NEGR1: variants seen among roughly 807,000 people sequenced by gnomAD.
NEGR1 encodes neuronal growth regulator 1, also known as IgLON family member 4.
A neutral mutation model predicts 40.9 loss-of-function variants in NEGR1; 10 were observed. That is an observed-to-expected ratio of 0.24 (90% confidence interval 0.15 to 0.42). The LOEUF is 0.42. Among genes scored for constraint, NEGR1 ranks in the 10% least tolerant of loss-of-function variants. The probability of loss-of-function intolerance (pLI) is 1.00; values close to 1 mark genes in which losing one functional copy is unlikely to be tolerated. For missense variants in NEGR1, 352 were observed against 438.9 expected (o/e 0.80, Z 1.77); for synonymous variants, 185 against 166.8 (o/e 1.11, Z -0.84).
chr1:71,710,858 GTA>G (rs991329766), intron 3 of NEGR1, among the ~76,000 whole-genome samples: 1 of 151,976 alleles, frequency 6.6e-6, no homozygotes, highest in Non-Finnish European at 1.5e-5. Flanking sequence ...TAACTTAATT[GTA>G]TATTTTAAAT....
At chr1:71,747,989 T>C (rs1051563342) in intron 3 of NEGR1, among the ~76,000 whole-genome samples, 5 of 152,190 alleles carry the variant, frequency 3.3e-5, no homozygotes, top group African/African-American at 9.6e-5. Flanking sequence ...TACCAATATA[T>C]TTTTTACATT....
At chr1:72,278,988 C>A (rs1656157710) in intron 1 of NEGR1, among the ~76,000 whole-genome samples, 3 of 151,748 alleles carry the variant, frequency 2.0e-5, no homozygotes, top group Non-Finnish European at 2.9e-5. Context: ...TCAAGAAGGT[C>A]CAAATAATTC....
chr1:72,120,767 A>G (rs1426503343), intron 1 of NEGR1, among the ~76,000 whole-genome samples: 2 of 151,926 alleles, frequency 1.3e-5, no homozygotes, highest in East Asian at 1.9e-4. Context: ...TTTAACAAAC[A>G]CTATTTTTAA....
At chr1:71,983,881 T>C (rs1009146717) in intron 1 of NEGR1, among the ~76,000 whole-genome samples, 1 of 152,178 alleles carries the variant, frequency 6.6e-6, no homozygotes, top group Admixed American at 6.5e-5. Flanking sequence ...CTCAACATAT[T>C]TTTTACTAAA....
In NEGR1 at chr1:71,698,135, T is replaced by C. The variant is rs1451604332; in HGVS notation, c.540A>G (p.Lys180=). The change falls in exon 4 of 7, where the codon AAA becomes AAG. Residue 180 remains lysine (K), a synonymous_variant. Transcript: ENST00000357731. ...CCAAATATTGTCCATTTTCAAATGG[T>C]TTTGCTATAAAAAAGAATACAGCAT... ...ISWRHISPSA[K]PFENGQYLDI... 1.2e-6 allele frequency: 2 copies of C among 1,609,512 alleles called. No homozygotes were observed. Among genetic ancestry groups the C allele is most frequent in the Non-Finnish European group, 1.7e-6 (2 of 1,177,364 alleles).
intron 1 of NEGR1, among the ~76,000 whole-genome samples, chr1:72,048,474 T>A (rs1337447846): frequency 1.4e-5 from 2 of 147,060 alleles, no homozygotes; most frequent in South Asian, 2.2e-4. Flanking sequence ...CCCCTTTAAA[T>A]GTGTAAGCGC....
chr1:71,976,823 AAC>A (rs1419553971), intron 1 of NEGR1, among the ~76,000 whole-genome samples: 1 of 152,184 alleles, frequency 6.6e-6, no homozygotes, highest in Non-Finnish European at 1.5e-5. Context: ...ACAAGAAAAA[AAC>A]AGTGTATTTT....
chr1:71,947,791 T>C (rs1646034978), intron 1 of NEGR1, among the ~76,000 whole-genome samples: 1 of 151,702 alleles, frequency 6.6e-6, no homozygotes. Flanking sequence ...AAAAAAAATA[T>C]GGAAATTAAT....
chr1:72,255,413 T>C (rs1655233679), intron 1 of NEGR1, among the ~76,000 whole-genome samples: 1 of 152,230 alleles, frequency 6.6e-6, no homozygotes, highest in Non-Finnish European at 1.5e-5. Context: ...ATTTACTGAA[T>C]GAATGTATAT....
chr1:71,922,710 T>G lies in NEGR1; in HGVS notation c.409+12369A>C, dbSNP rs74340101. 4.6e-5 allele frequency among the ~76,000 whole-genome samples: 7 copies of G among 152,242 alleles called. No individual in the cohort carries two copies. The East Asian group carries it at 1.4e-3, about 29-fold the overall frequency. ...GACCTATATGTACACTATTAGCACT[T>G]TGGAAAAAGAAAGATTATAACTCAG... On this transcript the variant is annotated intron_variant, in intron 2 of 6. Coordinates refer to ENST00000357731, the MANE Select transcript of NEGR1 (RefSeq NM_173808.3).
intron 6 of NEGR1, among the ~76,000 whole-genome samples, chr1:71,473,731 T>C (rs1484073373): frequency 1.3e-5 from 2 of 152,066 alleles, no homozygotes; most frequent in Non-Finnish European, 2.9e-5. Flanking sequence ...TTTTGGAGAA[T>C]GGGGAGCAGT....
intron 1 of NEGR1, among the ~76,000 whole-genome samples, chr1:72,097,521 T>G (rs1648748077): frequency 1.3e-5 from 2 of 152,174 alleles, no homozygotes; most frequent in African/African-American, 4.8e-5. Flanking sequence ...AATTTCCTTT[T>G]TAGAAAAAGA....
chr1:72,138,812 T>A (rs114846087), intron 1 of NEGR1, among the ~76,000 whole-genome samples: 3,485 of 152,052 alleles, frequency 0.023, 67 homozygotes, highest in Non-Finnish European at 0.031. Flanking sequence ...AGATAAAATA[T>A]CAGCAAGCAT....
chr1:71,979,535 T>C (rs1236209165), intron 1 of NEGR1, among the ~76,000 whole-genome samples: 1 of 152,202 alleles, frequency 6.6e-6, no homozygotes, highest in African/African-American at 2.4e-5. Context: ...AGTCCCAGAC[T>C]GATTGTGTTT....
intron 1 of NEGR1, among the ~76,000 whole-genome samples, chr1:72,240,860 A>T (rs1056932048): frequency 8.6e-5 from 13 of 151,790 alleles, no homozygotes; most frequent in African/African-American, 3.1e-4. Context: ...TTGATGATAA[A>T]TCTGTAGGTA....
intron 6 of NEGR1, among the ~76,000 whole-genome samples, chr1:71,536,742 A>G (rs1186046362): frequency 6.6e-6 from 1 of 151,726 alleles, no homozygotes; most frequent in East Asian, 2.0e-4. Flanking sequence ...AATTTTTGTG[A>G]AGGACAAATG....
At chr1:71,594,283 A>G (rs1649609671) in intron 5 of NEGR1, among the ~76,000 whole-genome samples, 1 of 152,170 alleles carries the variant, frequency 6.6e-6, no homozygotes, top group South Asian at 2.1e-4. Flanking sequence ...TCCAAATGGC[A>G]TAGTAGTTTT....
intron 1 of NEGR1, among the ~76,000 whole-genome samples, chr1:72,173,870 G>A (rs1652057270): frequency 6.6e-6 from 1 of 152,092 alleles, no homozygotes; most frequent in Admixed American, 6.6e-5. Context: ...TTGAACCCGG[G>A]AGGTGGAGAT....
intron 2 of NEGR1, among the ~76,000 whole-genome samples, chr1:71,811,431 A>G (rs1317563270): frequency 6.6e-6 from 1 of 151,482 alleles, no homozygotes; most frequent in African/African-American, 2.4e-5. Flanking sequence ...ATCCAATGTC[A>G]CCTCCTTTCC....
Sources: gnomAD v4.1 joint callset for allele counts (sites outside exome capture counted in the v4.1 genomes callset) on GRCh38, gnomAD v4.1.1 for gene constraint, MANE v1.5 for transcripts, NCBI Gene and HGNC (gene_info 2026-07-23, HGNC 2026-07-21) for gene names.